The following DNAJC18 variants were observed in gnomAD, a reference collection of about 807,000 sequenced individuals.
DNAJC18 encodes the protein DnaJ heat shock protein family (Hsp40) member C18.
Under a neutral mutation model 48.6 loss-of-function variants are expected in DNAJC18, and 40 were observed. The ratio of observed to expected loss-of-function variants is 0.82; its 90% confidence interval spans 0.64 to 1.07. The LOEUF is 1.07. Among genes scored for constraint, DNAJC18 ranks in the 50% least tolerant of loss-of-function variants. The pLI is 0.00. For synonymous variants in DNAJC18, 135 were observed against 152.2 expected, an observed-to-expected ratio of 0.89 and a Z score of 0.83; for missense variants, 340 against 427.7, an observed-to-expected ratio of 0.79 and a Z score of 1.81.
chr5:139,418,934 T>C (rs1759108814), intron 7 of DNAJC18: 3 of 447,910 alleles, frequency 6.7e-6, no homozygotes, highest in Non-Finnish European at 4.5e-6. Context: ...CACTGTGTGA[T>C]TGGTACTATG....
chr5:139,420,275 T>G (rs2152083100), intron 6 of DNAJC18, 50 bp from the exon 7 acceptor site: 2 of 1,554,480 alleles, frequency 1.3e-6, no homozygotes, highest in East Asian at 4.6e-5. Context: ...TTTGGCAATA[T>G]TACTCTTAGC....
chr5:139,416,256 G>T (rs532233728), intron 7 of DNAJC18, among the ~76,000 whole-genome samples: 1 of 152,286 alleles, frequency 6.6e-6, no homozygotes, highest in Non-Finnish European at 1.5e-5. Flanking sequence ...GGAGTGGCAG[G>T]TTCCAGAGAA....
intron 3 of DNAJC18, 64 bp downstream of exon 3, chr5:139,428,474 T>C: frequency 6.4e-7 from 1 of 1,564,418 alleles, no homozygotes; most frequent in South Asian, 1.2e-5. Flanking sequence ...TGGGGAAGGC[T>C]AAAAGCAACT....
rs1004670298 is a variant in DNAJC18, at chr5:139,411,252, GAGA to G, written c.*2893_*2895del. The G allele has an allele frequency of 3.0e-4, 46 of 152,326 alleles. No homozygotes were observed. Among genetic ancestry groups the G allele is most frequent in the African/African-American group, 1.1e-3 (45 of 41,570 alleles). The allele number at this position is 152,326 out of a possible 1,614,324, so 9.4% of individuals were successfully genotyped here. ...TGGGTTCCTTCAAGCTCTTTGTGAT[GAGA>G]AGGATTTTCATCCTCCTTTTCTCAC... On this transcript the variant is annotated 3_prime_UTR_variant, in exon 8 of 8. Transcript: ENST00000302060.
chr5:139,422,921 C>T (rs1362470443), intron 5 of DNAJC18, 104 bp from the exon 6 acceptor site: 35 of 637,070 alleles, frequency 5.5e-5, no homozygotes, highest in Admixed American at 1.9e-4. Context: ...CTGCAAGCTC[C>T]GCCTCTCGGG....
chr5:139,427,740 T>A (rs955513322), intron 3 of DNAJC18, among the ~76,000 whole-genome samples: 11 of 152,188 alleles, frequency 7.2e-5, no homozygotes, highest in Admixed American at 6.5e-5. Flanking sequence ...CAAGATCAAG[T>A]ATAGCATTTA....
At chr5:139,428,449 C>T (rs1243481547) in intron 3 of DNAJC18, 89 bp downstream of exon 3, 1 of 1,517,184 alleles carries the variant, frequency 6.6e-7, no homozygotes, top group African/African-American at 1.4e-5. Context: ...TCCTTATGGC[C>T]TTATAAAACA....
At chr5:139,420,407 G>C in intron 6 of DNAJC18, 182 bp from the exon 7 acceptor site, 1 of 589,542 alleles carries the variant, frequency 1.7e-6, no homozygotes, top group Non-Finnish European at 2.8e-6. Flanking sequence ...CATCATAATT[G>C]TATTATGTAA....
intron 7 of DNAJC18, chr5:139,418,624 C>T (rs1467369828): frequency 5.5e-6 from 2 of 364,474 alleles, no homozygotes; most frequent in Non-Finnish European, 1.1e-5. Context: ...CATTGCTCAC[C>T]AACTTCCTAA....
rs1414373440 is a variant in DNAJC18, at chr5:139,426,373, A to G, written c.374-16T>C. On this transcript the variant is annotated splice_polypyrimidine_tract_variant and intron_variant, in intron 3 of 7. Transcript: ENST00000302060. ...TTTCCTATTGCTGCAACCAACAAGAACCAGCACATGAGGACACAGTCTTTG... is the reference window on the plus strand; with the variant it reads ...TTTCCTATTGCTGCAACCAACAAGAGCCAGCACATGAGGACACAGTCTTTG... 5 of 1,613,162 alleles carry G rather than the reference A, an allele frequency of 3.1e-6. No homozygotes were observed. The highest frequency in any genetic ancestry group is 4.2e-6 in the Non-Finnish European group (5 of 1,179,508).
intron 5 of DNAJC18, 67 bp downstream of exon 5, chr5:139,424,938 C>T: frequency 7.5e-7 from 1 of 1,326,692 alleles, no homozygotes; most frequent in Non-Finnish European, 1.1e-6. Context: ...AAAACTTGAC[C>T]ATGTACCATC....
intron 2 of DNAJC18, among the ~76,000 whole-genome samples, chr5:139,433,746 T>C (rs1022131211): frequency 3.3e-5 from 5 of 152,230 alleles, no homozygotes; most frequent in African/African-American, 1.2e-4. Context: ...TATGTTTTGA[T>C]AGATTTTCAC....
At chr5:139,438,492 A>G (rs1384199759) in intron 1 of DNAJC18, among the ~76,000 whole-genome samples, 1 of 152,178 alleles carries the variant, frequency 6.6e-6, no homozygotes, top group Non-Finnish European at 1.5e-5. Context: ...GTTTAAAGGG[A>G]GAAGATTCAA....
chr5:139,435,100 C>T (rs544251947), intron 2 of DNAJC18, among the ~76,000 whole-genome samples: 147 of 151,954 alleles, frequency 9.7e-4, no homozygotes, highest in Non-Finnish European at 1.6e-3. Flanking sequence ...GTGGCTCACA[C>T]CTGTAATCCC....
At chr5:139,429,080 C>CTTTTTTT (rs559935676) in intron 2 of DNAJC18, among the ~76,000 whole-genome samples, 7 of 114,582 alleles carry the variant, frequency 6.1e-5, no homozygotes, top group Non-Finnish European at 1.1e-4. Context: ...GTATTTTTTG[C>CTTTTTTT]TTTTTTTTTT....
rs760235801 is a variant in DNAJC18, at chr5:139,426,290, A to G, written c.441T>C (p.Asp147=). ...GAGGGGCAGTGAAAGTCACCTGTTC[A>G]TCTCCGTATTCATCATAGCGAAGTC... ...DKRLRYDEYG[D]EQVTFTAPRA... is the part of the protein sequence containing the mutation. The change falls in exon 4 of 8, where the codon GAT becomes GAC. Residue 147 remains aspartate (D), a synonymous_variant. Coordinates refer to ENST00000302060, the MANE Select transcript of DNAJC18 (RefSeq NM_152686.4). 2 of 1,614,202 alleles carry G rather than the reference A, an allele frequency of 1.2e-6. No individual in the cohort carries two copies. Among genetic ancestry groups the G allele is most frequent in the Non-Finnish European group, 1.7e-6 (2 of 1,180,036 alleles).
intron 5 of DNAJC18, 111 bp from the exon 6 acceptor site, chr5:139,422,928 C>T (rs7718498): frequency 0.034 from 19,223 of 564,000 alleles, 1,112 homozygotes; most frequent in African/African-American, 0.19. Context: ...CTCCGCCTCT[C>T]GGGTTCACGC....
rs1159951103 is a variant in DNAJC18, at chr5:139,413,063, C to T, written c.*1085G>A. ...CATAGAACCAGGGATAATACATCTA[C>T]TTCAGAGTTGTGAGGAGGTTTAAGT... On this transcript the variant is annotated 3_prime_UTR_variant, in exon 8 of 8. Coordinates refer to ENST00000302060, the MANE Select transcript of DNAJC18 (RefSeq NM_152686.4). The T allele has an allele frequency of 2.5e-6, 1 of 397,106 alleles. No homozygotes were observed. The highest frequency in any genetic ancestry group is 4.4e-6 in the Non-Finnish European group (1 of 225,750). The allele number at this position is 397,106 out of a possible 1,614,324, so 24.6% of individuals were successfully genotyped here.
At chr5:139,435,837 C>T (rs752170383) in intron 2 of DNAJC18, among the ~76,000 whole-genome samples, 15 of 150,694 alleles carry the variant, frequency 1.0e-4, no homozygotes, top group Non-Finnish European at 1.9e-4. Context: ...TCCTGAGCAG[C>T]TGGAACTGCA....
Sources: allele counts gnomAD v4.1 joint callset (sites outside exome capture counted in the v4.1 genomes callset), GRCh38; gene constraint gnomAD v4.1.1; transcripts MANE v1.5; gene names NCBI Gene and HGNC (gene_info 2026-07-23, HGNC 2026-07-21).